Variants in FAM168A observed in about 807,000 individuals in gnomAD.
FAM168A encodes protein FAM168A.
A neutral mutation model predicts 28.5 loss-of-function variants in FAM168A; 3 were observed. The ratio of observed to expected loss-of-function variants is 0.11; its 90% CI spans 0.05 to 0.27. FAM168A has a LOEUF of 0.27. Ranked by LOEUF, FAM168A falls within the 10% of genes least tolerant of loss-of-function variation. The pLI is 1.00. For synonymous variants in FAM168A, 122 were observed against 124.2 expected (o/e 0.98, Z 0.12); for missense variants, 222 against 311.5 (o/e 0.71, Z 2.16).
intron 1 of FAM168A, among the ~76,000 whole-genome samples, chr11:73,482,579 T>C (rs988221599): frequency 1.3e-5 from 2 of 151,790 alleles, no homozygotes; most frequent in Non-Finnish European, 1.5e-5. Context: ...TACCAGAATA[T>C]ATTAGTTTTT....
intron 1 of FAM168A, among the ~76,000 whole-genome samples, chr11:73,557,930 A>C (rs2134700565): frequency 6.6e-6 from 1 of 152,334 alleles, no homozygotes; most frequent in Admixed American, 6.5e-5. Context: ...AGAAAAGAAA[A>C]GTTTCTTCAA....
At chr11:73,472,125 C>A (rs1254330021) in intron 1 of FAM168A, among the ~76,000 whole-genome samples, 1 of 152,140 alleles carries the variant, frequency 6.6e-6, no homozygotes, top group Non-Finnish European at 1.5e-5. Context: ...TCCACACATA[C>A]CCCTGGTCCC....
chr11:73,418,080 T>C (rs1235340807), intron 4 of FAM168A, among the ~76,000 whole-genome samples: 1 of 152,230 alleles, frequency 6.6e-6, no homozygotes, highest in Non-Finnish European at 1.5e-5. Context: ...ATTATGAGAC[T>C]ATATTTTACA....
chr11:73,556,161 TA>T (rs11285497), intron 1 of FAM168A, among the ~76,000 whole-genome samples: 152,127 of 152,128 alleles, frequency 1, 76,063 homozygotes, highest in Non-Finnish European at 1. Flanking sequence ...CTGGGCAACA[TA>T]AGTGAAACCC....
chr11:73,566,848 G>C (rs1280272168), intron 1 of FAM168A, among the ~76,000 whole-genome samples: 1 of 152,190 alleles, frequency 6.6e-6, no homozygotes, highest in Non-Finnish European at 1.5e-5. Context: ...GGAGAAAACA[G>C]TCAATTCTAC....
rs554069351 is a variant in FAM168A, at chr11:73,400,721, G to A, written c.*6042C>T. 1 of 152,158 alleles carries A rather than the reference G, an allele frequency of 6.6e-6. No individual in the cohort carries two copies. The highest frequency in any genetic ancestry group is 1.5e-5 in the Non-Finnish European group (1 of 68,044). The allele number at this position is 152,158 out of a possible 1,614,324, so 9.4% of individuals were successfully genotyped here. A position where few individuals can be genotyped will look rare whatever the true frequency, so the allele number is the denominator to read the frequency against. On this transcript the variant is annotated 3_prime_UTR_variant, in exon 8 of 8. Coordinates refer to ENST00000356467, the MANE Select transcript of FAM168A (RefSeq NM_015159.3). ...AGCATCAACTTGGGGAGACGCCCAA[G>A]GGACTCACTGGCCCAGGACAGTCCT...
intron 1 of FAM168A, among the ~76,000 whole-genome samples, chr11:73,525,086 C>G (rs1419386259): frequency 6.6e-6 from 1 of 151,280 alleles, no homozygotes; most frequent in Admixed American, 6.6e-5. Context: ...TCCCTCAATC[C>G]TTCTCCCCTC....
chr11:73,515,694 A>G (rs1427578076), intron 1 of FAM168A, among the ~76,000 whole-genome samples: 2 of 152,152 alleles, frequency 1.3e-5, no homozygotes, highest in Non-Finnish European at 2.9e-5. Flanking sequence ...TAGGGGCTCA[A>G]TTGAACTGGC....
chr11:73,489,592 C>A (rs1277355120), intron 1 of FAM168A, among the ~76,000 whole-genome samples: 3 of 150,472 alleles, frequency 2.0e-5, no homozygotes, highest in Admixed American at 6.6e-5. Flanking sequence ...CTCACTGTAT[C>A]CTCAACTTCC....
In FAM168A at chr11:73,589,079, A is replaced by T. The variant is rs115568703; in HGVS notation, c.-19+8844T>A. On this transcript the variant is annotated intron_variant, in intron 1 of 7. Coordinates refer to ENST00000356467, the MANE Select transcript of FAM168A (RefSeq NM_015159.3). ...CTAGCCTGCAACACTGCGAAAAAAT[A>T]AATTTTTGTTGTTTAAACCACCCAG... Among the ~76,000 whole-genome samples, 68 of 152,312 alleles carry T rather than the reference A, an allele frequency of 4.5e-4. 1 individual carries two copies. Among genetic ancestry groups the T allele is most frequent in the African/African-American group, 1.6e-3 (68 of 41,568 alleles).
chr11:73,408,362 A>G lies in FAM168A; in HGVS notation c.596-719T>C, dbSNP rs79652477. 5.9e-4 allele frequency among the ~76,000 whole-genome samples: 90 copies of G among 152,314 alleles called. No homozygotes were observed. In the East Asian group the frequency reaches 0.015, roughly 25 times the overall value. ...TGAGTAGATATCCAACAGTTTGCCA[A>G]CTTGATCTGAGGAGTAAGAGGCCTC... On this transcript the variant is annotated intron_variant, in intron 6 of 7. Coordinates refer to ENST00000356467, the MANE Select transcript of FAM168A (RefSeq NM_015159.3).
intron 1 of FAM168A, among the ~76,000 whole-genome samples, chr11:73,570,106 A>T (rs1194955340): frequency 6.6e-6 from 1 of 152,172 alleles, no homozygotes; most frequent in African/African-American, 2.4e-5. Flanking sequence ...ATGTATACCT[A>T]CATATTCATA....
At chr11:73,496,411 T>TTG (rs1329661705) in intron 1 of FAM168A, among the ~76,000 whole-genome samples, 2 of 152,240 alleles carry the variant, frequency 1.3e-5, no homozygotes, top group Non-Finnish European at 2.9e-5. Flanking sequence ...ACAATTACCT[T>TTG]TGCACCAACC....
chr11:73,448,293 G>T (rs1473013376), intron 2 of FAM168A, among the ~76,000 whole-genome samples: 1 of 152,060 alleles, frequency 6.6e-6, no homozygotes, highest in Admixed American at 6.6e-5. Flanking sequence ...TGATCCGCCC[G>T]CCTCAGCCTC....
chr11:73,484,507 GAT>G (rs1211070796), intron 1 of FAM168A, among the ~76,000 whole-genome samples: 2 of 77,774 alleles, frequency 2.6e-5, no homozygotes, highest in African/African-American at 1.1e-4. Context: ...AGGAGAGAGA[GAT>G]ATATATAGAT....
At chr11:73,516,075 T>TG (rs1175733976) in intron 1 of FAM168A, among the ~76,000 whole-genome samples, 1 of 148,052 alleles carries the variant, frequency 6.8e-6, no homozygotes, top group Non-Finnish European at 1.5e-5. Context: ...CACTCCAGCC[T>TG]GGTGACAGAC....
At chr11:73,537,290 G>A (rs1196773230) in intron 1 of FAM168A, among the ~76,000 whole-genome samples, 1 of 152,166 alleles carries the variant, frequency 6.6e-6, no homozygotes, top group African/African-American at 2.4e-5. Context: ...GCCAGGCATG[G>A]TGGCTCACAC....
At chr11:73,468,125 T>G (rs982721864) in intron 2 of FAM168A, among the ~76,000 whole-genome samples, 2 of 152,222 alleles carry the variant, frequency 1.3e-5, no homozygotes, top group African/African-American at 4.8e-5. Context: ...CTAACACGTA[T>G]TCATGTTTTA....
intron 1 of FAM168A, among the ~76,000 whole-genome samples, chr11:73,550,850 AGT>A (rs921032809): frequency 6.6e-6 from 1 of 151,762 alleles, no homozygotes; most frequent in Non-Finnish European, 1.5e-5. Flanking sequence ...GGCTCATGCC[AGT>A]AATTCCAGCA....
Sources: allele counts gnomAD v4.1 joint callset (sites outside exome capture counted in the v4.1 genomes callset), GRCh38; gene constraint gnomAD v4.1.1; transcripts MANE v1.5; gene names NCBI Gene and HGNC (gene_info 2026-07-23, HGNC 2026-07-21).